The following SLC8A1 variants were observed in gnomAD, a reference collection of about 807,000 sequenced individuals.
SLC8A1 encodes sodium/calcium exchanger 1.
Under a neutral mutation model 68.3 loss-of-function variants are expected in SLC8A1, and 18 were observed. The ratio of observed to expected loss-of-function variants is 0.26; its 90% confidence interval spans 0.18 to 0.39. SLC8A1 has a LOEUF of 0.39. Among genes scored for constraint, SLC8A1 ranks in the 10% least tolerant of loss-of-function variants. The probability of loss-of-function intolerance (pLI) is 1.00; values close to 1 mark genes in which losing one functional copy is unlikely to be tolerated. For missense variants in SLC8A1, 985 were observed against 1,156.7 expected (o/e 0.85, Z 2.15); for synonymous variants, 475 against 415.5 (o/e 1.14, Z -1.74).
intron 2 of SLC8A1, among the ~76,000 whole-genome samples, chr2:40,299,072 A>T (rs1294183060): frequency 2.1e-5 from 3 of 144,716 alleles, no homozygotes; most frequent in Non-Finnish European, 4.6e-5. Context: ...CTGATTCTCA[A>T]GCAACACAGT....
chr2:40,352,713 G>A (rs1228234131), intron 2 of SLC8A1, among the ~76,000 whole-genome samples: 1 of 152,168 alleles, frequency 6.6e-6, no homozygotes, highest in African/African-American at 2.4e-5. Context: ...AAGTATTACT[G>A]AGGCAGTCAC....
chr2:40,311,457 A>G (rs2073653715), intron 2 of SLC8A1, among the ~76,000 whole-genome samples: 1 of 152,074 alleles, frequency 6.6e-6, no homozygotes, highest in African/African-American at 2.4e-5. Flanking sequence ...AGAAAATCGA[A>G]GGCATTAATA....
intron 2 of SLC8A1, among the ~76,000 whole-genome samples, chr2:40,219,851 C>T (rs1423633705): frequency 4.0e-5 from 1 of 24,856 alleles, no homozygotes; most frequent in African/African-American, 9.8e-5. Context: ...TGATTTAGCT[C>T]CAACAGAGCC....
intron 1 of SLC8A1, among the ~76,000 whole-genome samples, chr2:40,466,825 A>AT (rs1359054805): frequency 2.0e-5 from 3 of 152,132 alleles, no homozygotes; most frequent in East Asian, 1.9e-4. Flanking sequence ...ATGCTGCTTA[A>AT]TTTTTTCATT....
At chr2:40,477,775 GGA>G (rs1473134435) in intron 1 of SLC8A1, among the ~76,000 whole-genome samples, 1 of 152,074 alleles carries the variant, frequency 6.6e-6, no homozygotes, top group Non-Finnish European at 1.5e-5. Context: ...GTGTGTAGGG[GGA>G]GATTTGACCA....
intron 2 of SLC8A1, among the ~76,000 whole-genome samples, chr2:40,301,644 C>T (rs1241186258): frequency 7.9e-5 from 12 of 152,074 alleles, no homozygotes; most frequent in African/African-American, 2.9e-4. Context: ...GGGCTGGGTG[C>T]GGTGGCTTAC....
chr2:40,134,525 A>G (rs566322785), intron 7 of SLC8A1, among the ~76,000 whole-genome samples: 4 of 152,346 alleles, frequency 2.6e-5, no homozygotes, highest in Admixed American at 2.0e-4. Flanking sequence ...CAAAATTATG[A>G]AAGAGGAAAA....
intron 2 of SLC8A1, among the ~76,000 whole-genome samples, chr2:40,370,561 A>G (rs13424864): frequency 0.082 from 12,458 of 152,146 alleles, 1,627 homozygotes; most frequent in African/African-American, 0.28. Context: ...CATTTCTTAG[A>G]TATCTTATTC....
rs535461985 is a variant in SLC8A1, at chr2:40,258,670, C to T, written c.1809-80815G>A. 1.8e-4 allele frequency among the ~76,000 whole-genome samples: 27 copies of T among 152,082 alleles called. No homozygotes were observed. The South Asian group carries it at 5.4e-3, about 30-fold the overall frequency. Reference sequence around the variant, plus strand: ...AGCCTGGCCAACATGGTGAAACCCCCGTCTCTACTAAAAATACAAAAATTA... The same window carrying T: ...AGCCTGGCCAACATGGTGAAACCCCTGTCTCTACTAAAAATACAAAAATTA... On this transcript the variant is annotated intron_variant, in intron 2 of 7. Coordinates refer to ENST00000406785, the Ensembl canonical transcript of SLC8A1.
intron 2 of SLC8A1, among the ~76,000 whole-genome samples, chr2:40,419,089 G>T (rs1157484770): frequency 2.6e-5 from 4 of 152,192 alleles, no homozygotes; most frequent in Admixed American, 2.6e-4. Flanking sequence ...TAAAGCTTGA[G>T]GTTTTCTATG....
intron 7 of SLC8A1, among the ~76,000 whole-genome samples, chr2:40,135,100 GA>G (rs113621278): frequency 0.015 from 2,254 of 152,140 alleles, 53 homozygotes; most frequent in African/African-American, 0.051. Flanking sequence ...TGTGTGGATA[GA>G]AAAAAAGGCC....
intron 2 of SLC8A1, among the ~76,000 whole-genome samples, chr2:40,271,793 T>A (rs142942051): frequency 1.3e-5 from 2 of 152,324 alleles, no homozygotes; most frequent in Admixed American, 1.3e-4. Context: ...CTTTCCCCAG[T>A]GTCCCACGGA....
chr2:40,137,647 G>C (rs573559445), intron 7 of SLC8A1, among the ~76,000 whole-genome samples: 1 of 152,090 alleles, frequency 6.6e-6, no homozygotes, highest in South Asian at 2.1e-4. Context: ...TTTTCCTTCT[G>C]CTTGGTAAAT....
intron 2 of SLC8A1, among the ~76,000 whole-genome samples, chr2:40,358,649 T>G (rs1164165052): frequency 6.6e-6 from 1 of 152,214 alleles, no homozygotes; most frequent in Admixed American, 6.5e-5. Context: ...ACCCATTCAA[T>G]TGATTGATTC....
At position 40,168,548 on chromosome 2, in the gene SLC8A1, T is replaced by C. The variant is rs2148497154; in HGVS notation, c.1931-3564A>G. Among the ~76,000 whole-genome samples the C allele has an allele frequency of 2.0e-5, 3 of 152,332 alleles. 1 individual carries two copies. In the South Asian group the frequency reaches 6.2e-4, roughly 32 times the overall value. ...AAATTCACATTTATGGTCTAGATTTTTGACTGGCAAAAATGAGAGCCAAGT... is the reference window on the plus strand; with the variant it reads ...AAATTCACATTTATGGTCTAGATTTCTGACTGGCAAAAATGAGAGCCAAGT... On this transcript the variant is annotated intron_variant, in intron 4 of 7. Coordinates refer to ENST00000406785, the Ensembl canonical transcript of SLC8A1.
chr2:40,230,675 G>A (rs1298975442), intron 2 of SLC8A1, among the ~76,000 whole-genome samples: 1 of 152,064 alleles, frequency 6.6e-6, no homozygotes, highest in Non-Finnish European at 1.5e-5. Context: ...AACATATATG[G>A]ATATTCATGT....
At chr2:40,212,149 T>C (rs1300774489) in intron 2 of SLC8A1, among the ~76,000 whole-genome samples, 1 of 152,094 alleles carries the variant, frequency 6.6e-6, no homozygotes, top group Non-Finnish European at 1.5e-5. Flanking sequence ...GATTTCAATA[T>C]GGCCCAGAGA....
At chr2:40,439,966 TGTATA>T (rs1392518407) in intron 1 of SLC8A1, among the ~76,000 whole-genome samples, 1 of 152,284 alleles carries the variant, frequency 6.6e-6, no homozygotes, top group Non-Finnish European at 1.5e-5. Flanking sequence ...ATTACAATAT[TGTATA>T]GTATATATTA....
At chr2:40,504,824 T>A (rs2149940343) in intron 1 of SLC8A1, among the ~76,000 whole-genome samples, 1 of 152,046 alleles carries the variant, frequency 6.6e-6, no homozygotes, top group Admixed American at 6.6e-5. Context: ...CTGGTGAGGA[T>A]GTGGTGTAAA....
Sources: allele counts gnomAD v4.1 joint callset (sites outside exome capture counted in the v4.1 genomes callset), GRCh38; gene constraint gnomAD v4.1.1; transcripts MANE v1.5; gene names NCBI Gene and HGNC (gene_info 2026-07-23, HGNC 2026-07-21).